The following RPS6KC1 variants were observed in gnomAD, a reference collection of about 807,000 sequenced individuals.
The protein encoded by RPS6KC1 is inactive ribosomal protein S6 kinase delta-1.
A neutral mutation model predicts 103.8 loss-of-function variants in RPS6KC1; 54 were observed. That is an observed-to-expected ratio of 0.52 (90% CI 0.42 to 0.65). The LOEUF (loss-of-function observed/expected upper bound fraction) is 0.65. Among genes scored for constraint, RPS6KC1 ranks in the 30% least tolerant of loss-of-function variants. The probability of loss-of-function intolerance (pLI) is 0.00; values close to 1 mark genes in which losing one functional copy is unlikely to be tolerated. For missense variants in RPS6KC1, 1,151 were observed against 1,253.8 expected, an observed-to-expected ratio of 0.92 and a Z score of 1.24; for synonymous variants, 439 against 438.7, an observed-to-expected ratio of 1.00 and a Z score of -0.01.
the RPS6KC1 span, among the ~76,000 whole-genome samples, chr1:213,581,538 C>T: frequency 1.3e-5 from 2 of 152,020 alleles, no homozygotes; most frequent in Non-Finnish European, 2.9e-5. Context: ...GGCATGGGCT[C>T]GAGAGCTGCA....
the RPS6KC1 span, among the ~76,000 whole-genome samples, chr1:213,378,345 G>A: frequency 2.0e-5 from 3 of 152,242 alleles, no homozygotes; most frequent in Admixed American, 1.3e-4. Flanking sequence ...TATGGGACTG[G>A]TGGGAGGATT....
At chr1:213,701,166 A>T in the RPS6KC1 span, among the ~76,000 whole-genome samples, 1 of 148,736 alleles carries the variant, frequency 6.7e-6, no homozygotes, top group Non-Finnish European at 1.5e-5. Context: ...GTTTTTCCTT[A>T]TTTGGTGTGA....
chr1:213,454,816 C>T, the RPS6KC1 span, among the ~76,000 whole-genome samples: 1 of 152,206 alleles, frequency 6.6e-6, no homozygotes, highest in Non-Finnish European at 1.5e-5. Context: ...GTCTCTTAGC[C>T]TTGCACTAAG....
the RPS6KC1 span, among the ~76,000 whole-genome samples, chr1:213,671,556 G>A: frequency 7.2e-4 from 110 of 152,256 alleles, 1 homozygote; most frequent in African/African-American, 2.1e-3. Context: ...ATACGAGGCG[G>A]GCATATCACT....
chr1:213,495,051 G>A, the RPS6KC1 span, among the ~76,000 whole-genome samples: 1 of 152,184 alleles, frequency 6.6e-6, no homozygotes, highest in African/African-American at 2.4e-5. Context: ...TTACAGCCCA[G>A]CCTTGTGGTC....
the RPS6KC1 span, among the ~76,000 whole-genome samples, chr1:213,568,441 C>G: frequency 1.3e-5 from 2 of 152,146 alleles, no homozygotes; most frequent in African/African-American, 4.8e-5. Flanking sequence ...ACAGAAGATT[C>G]AATTCAAGGA....
the RPS6KC1 span, among the ~76,000 whole-genome samples, chr1:213,614,016 C>T: frequency 4.3e-3 from 649 of 152,280 alleles, 9 homozygotes; most frequent in African/African-American, 0.015. Context: ...ATGTGAAAGA[C>T]GACCAGTGAG....
At chr1:213,577,824 A>T in the RPS6KC1 span, among the ~76,000 whole-genome samples, 1 of 152,238 alleles carries the variant, frequency 6.6e-6, no homozygotes, top group Non-Finnish European at 1.5e-5. Context: ...TTTATGTTTA[A>T]AAGGGAAGCA....
the RPS6KC1 span, among the ~76,000 whole-genome samples, chr1:213,438,066 A>C: frequency 1.3e-5 from 2 of 151,894 alleles, no homozygotes; most frequent in African/African-American, 4.8e-5. Context: ...CTTCTGCTGT[A>C]TCTAATCTGG....
the RPS6KC1 span, among the ~76,000 whole-genome samples, chr1:213,806,851 G>C: frequency 2.0e-5 from 3 of 150,996 alleles, no homozygotes; most frequent in African/African-American, 7.3e-5. Context: ...TTGCTCGTTA[G>C]TTGATGCAGT....
the RPS6KC1 span, among the ~76,000 whole-genome samples, chr1:213,433,730 T>C: frequency 6.6e-6 from 1 of 152,220 alleles, no homozygotes; most frequent in Non-Finnish European, 1.5e-5. Context: ...TGACTAATGA[T>C]GTTGAGCATT....
chr1:213,743,284 G>A, the RPS6KC1 span, among the ~76,000 whole-genome samples: 1 of 152,144 alleles, frequency 6.6e-6, no homozygotes, highest in African/African-American at 2.4e-5. Flanking sequence ...ATTAGCACAG[G>A]AATAGAAAAC....
the RPS6KC1 span, among the ~76,000 whole-genome samples, chr1:213,578,746 T>G: frequency 2.6e-5 from 4 of 152,132 alleles, no homozygotes; most frequent in African/African-American, 9.6e-5. Flanking sequence ...CTATTGTATC[T>G]AGGAAGTAAC....
intron 6 of RPS6KC1, among the ~76,000 whole-genome samples, chr1:213,136,515 A>G (rs1054843456): frequency 3.3e-5 from 5 of 152,106 alleles, no homozygotes; most frequent in Admixed American, 2.0e-4. Context: ...TCATGGCCCA[A>G]CAGTGCCGTT....
chr1:213,125,968 A>C (rs560635346), intron 5 of RPS6KC1: 1 of 152,228 alleles, frequency 6.6e-6, no homozygotes, highest in East Asian at 1.9e-4. Context: ...ATGGGGCAAA[A>C]CATGAAACAG....
At chr1:213,767,796 G>T in the RPS6KC1 span, among the ~76,000 whole-genome samples, 1 of 152,210 alleles carries the variant, frequency 6.6e-6, no homozygotes, top group Non-Finnish European at 1.5e-5. Flanking sequence ...AGGCCACGTG[G>T]TTAGTGAATG....
intron 5 of RPS6KC1, among the ~76,000 whole-genome samples, chr1:213,120,051 G>A (rs977557478): frequency 5.9e-5 from 9 of 152,188 alleles, no homozygotes; most frequent in African/African-American, 2.2e-4. Flanking sequence ...TCAAAAAGAT[G>A]TGTTTTCTTT....
the RPS6KC1 span, among the ~76,000 whole-genome samples, chr1:213,337,978 G>A: frequency 2.0e-5 from 3 of 152,146 alleles, no homozygotes; most frequent in African/African-American, 7.2e-5. Flanking sequence ...TGTAGGAGTG[G>A]CGTGTGTGTC....
chr1:213,671,851 T>C, the RPS6KC1 span, among the ~76,000 whole-genome samples: 82 of 152,244 alleles, frequency 5.4e-4, no homozygotes, highest in African/African-American at 2.0e-3. Context: ...ATGGATATAC[T>C]AATTAACCTG....
Sources: allele counts gnomAD v4.1 joint callset (sites outside exome capture counted in the v4.1 genomes callset), GRCh38; gene constraint gnomAD v4.1.1; transcripts MANE v1.5; gene names NCBI Gene and HGNC (gene_info 2026-07-23, HGNC 2026-07-21).